The following SPARC variants were observed in gnomAD, a reference collection of about 807,000 sequenced individuals.
SPARC encodes secreted protein acidic and cysteine rich, also known as basement-membrane protein 40.
Under a neutral mutation model 37.7 loss-of-function variants are expected in SPARC, and 23 were observed. The ratio of observed to expected loss-of-function variants is 0.61; its 90% CI spans 0.44 to 0.87. The LOEUF is 0.87. Ranked by LOEUF, SPARC falls within the 40% of genes least tolerant of loss-of-function variation. SPARC has a pLI of 0.00. For missense variants in SPARC, 312 were observed against 389.0 expected (o/e 0.80, Z 1.66); for synonymous variants, 155 against 150.8 (o/e 1.03, Z -0.20).
rs575636672 is a variant in SPARC, at chr5:151,671,705, G to C, written c.209-11C>G. The C allele has an allele frequency of 4.3e-6, 7 of 1,613,536 alleles. No individual in the cohort carries two copies. In the Admixed American group the frequency reaches 1.2e-4, roughly 27 times the overall value. On this transcript the variant is annotated splice_polypyrimidine_tract_variant and intron_variant, in intron 4 of 9. Coordinates refer to ENST00000231061, the MANE Select transcript of SPARC (RefSeq NM_003118.4). ...GGTTCTGGCAGGGATCTGTAGGGCA[G>C]AAAGACAAGGGAGTTAGCATCACCT...
chr5:151,664,039 G>T, intron 9 of SPARC, 48 bp downstream of exon 9: 1 of 1,610,794 alleles, frequency 6.2e-7, no homozygotes. Context: ...AGCACCCTGG[G>T]AGCAGTGTTT....
intron 2 of SPARC, among the ~76,000 whole-genome samples, chr5:151,675,776 T>C (rs1354105597): frequency 6.6e-6 from 1 of 152,150 alleles, no homozygotes; most frequent in Admixed American, 6.5e-5. Context: ...AGCTTGAATC[T>C]CTTCTAATAC....
chr5:151,670,409 C>T lies in SPARC; in HGVS notation c.331-625G>A, dbSNP rs572718839. On this transcript the variant is annotated intron_variant, in intron 5 of 9. Coordinates refer to ENST00000231061, the MANE Select transcript of SPARC (RefSeq NM_003118.4). ...TGGGTGCTGAGTCTCTAATGAACTT[C>T]CCTGGAAAGAAACATCACTCACATG... Among the ~76,000 whole-genome samples the T allele has an allele frequency of 2.0e-5, 3 of 152,288 alleles. No individual in the cohort carries two copies. The East Asian group carries it at 5.8e-4, about 29-fold the overall frequency.
At chr5:151,670,805 G>T (rs1318940938) in intron 5 of SPARC, among the ~76,000 whole-genome samples, 1 of 152,184 alleles carries the variant, frequency 6.6e-6, no homozygotes, top group African/African-American at 2.4e-5. Flanking sequence ...ACTGGGCACT[G>T]GGAGTGGGGA....
chr5:151,678,996 C>T (rs191706413), intron 1 of SPARC: 15 of 152,326 alleles, frequency 9.8e-5, no homozygotes, highest in African/African-American at 3.4e-4. Context: ...CTGTGTCCAT[C>T]CTGCAAAGCT....
chr5:151,671,521 G>A, intron 5 of SPARC, 52 bp downstream of exon 5: 1 of 1,508,452 alleles, frequency 6.6e-7, no homozygotes, highest in Non-Finnish European at 8.8e-7. Context: ...CAGACATCCT[G>A]TATTCCGAAG....
At chr5:151,681,785 C>T (rs1760998446) in intron 1 of SPARC, among the ~76,000 whole-genome samples, 1 of 152,096 alleles carries the variant, frequency 6.6e-6, no homozygotes, top group Non-Finnish European at 1.5e-5. Context: ...CCCAGCAACT[C>T]GGGAGGCTGA....
intron 8 of SPARC, among the ~76,000 whole-genome samples, chr5:151,666,141 G>C (rs556780070): frequency 1.8e-4 from 27 of 152,312 alleles, no homozygotes; most frequent in African/African-American, 6.3e-4. Flanking sequence ...GAGCTATTTT[G>C]AGCTCCTACT....
chr5:151,678,862 T>C (rs1372563399), intron 1 of SPARC, among the ~76,000 whole-genome samples: 1 of 152,112 alleles, frequency 6.6e-6, no homozygotes, highest in Non-Finnish European at 1.5e-5. Context: ...AGAGCACTTT[T>C]CCCCCAGATG....
chr5:151,676,235 G>A (rs1760856064), intron 1 of SPARC, 34 bp from the exon 2 acceptor site: 1 of 1,456,880 alleles, frequency 6.9e-7, no homozygotes, highest in Non-Finnish European at 9.6e-7. Context: ...TTCAGTGAGG[G>A]TGAGACTTCC....
At position 151,663,470 on chromosome 5, in the gene SPARC, G is replaced by A. The variant is rs1581517697; in HGVS notation, c.*101C>T. 1 of 1,152,574 alleles carries A rather than the reference G, an allele frequency of 8.7e-7. No homozygotes were observed. The highest frequency in any genetic ancestry group is 1.3e-5 in the South Asian group (1 of 78,236). 71.4% of individuals were successfully genotyped at this position (1,152,574 alleles called of 1,614,324 possible). A position where few individuals can be genotyped will look rare whatever the true frequency, so the allele number is the denominator to read the frequency against. On this transcript the variant is annotated 3_prime_UTR_variant, in exon 10 of 10. Coordinates refer to ENST00000231061, the MANE Select transcript of SPARC (RefSeq NM_003118.4). ...TCACTTAAATCTATGTTAGCACCTT[G>A]TCTCCAGGCAGAACAACAAACCATC...
intron 2 of SPARC, 55 bp from the exon 3 acceptor site, chr5:151,674,729 C>T: frequency 1.3e-6 from 2 of 1,564,984 alleles, no homozygotes. Flanking sequence ...CCAGCTTCAC[C>T]TCCAAAGTGC....
chr5:151,669,406 TGA>T (rs1340160788), intron 6 of SPARC, among the ~76,000 whole-genome samples: 1 of 152,240 alleles, frequency 6.6e-6, no homozygotes, highest in African/African-American at 2.4e-5. Flanking sequence ...CAGATGCTAG[TGA>T]GAGACTCCAG....
At position 151,676,184 on chromosome 5, in the gene SPARC, C is replaced by T. The variant is rs1371923271; in HGVS notation, c.5G>A (p.Arg2Lys). ...GCAAAGGAGAAAGAAGATCCAGGCC[C>T]TCATGGTGCTGGGAACCCTATGGGG... The part of the protein sequence containing the change: M[R>K]AWIFFLLCLA... The change falls in exon 2 of 10, where the codon AGG becomes AAG. Residue 2 changes from arginine (R) to lysine (K), a missense_variant. Physicochemically the swap from Arg to Lys is conservative, Grantham distance 26. Transcript: ENST00000231061. 1.2e-6 allele frequency: 2 copies of T among 1,611,196 alleles called. No homozygotes were observed. The highest frequency in any genetic ancestry group is 2.7e-5 in the African/African-American group (2 of 75,030).
chr5:151,686,360 A>C (rs956979408), intron 1 of SPARC: 1 of 152,026 alleles, frequency 6.6e-6, no homozygotes, highest in Non-Finnish European at 1.5e-5. Context: ...TTAATGGTGA[A>C]GCCTCCCCCT....
At chr5:151,675,756 C>T (rs1392242374) in intron 2 of SPARC, among the ~76,000 whole-genome samples, 2 of 152,058 alleles carry the variant, frequency 1.3e-5, no homozygotes, top group African/African-American at 4.8e-5. Context: ...CAACACATTC[C>T]TCTCTCTATA....
chr5:151,668,433 G>A (rs776150593), intron 6 of SPARC, among the ~76,000 whole-genome samples: 5 of 152,154 alleles, frequency 3.3e-5, no homozygotes, highest in East Asian at 1.9e-4. Flanking sequence ...GATTACAGGC[G>A]TGAGCCACCG....
In SPARC at chr5:151,663,388, C is replaced by T. The variant is rs118104642; in HGVS notation, c.*183G>A. 4.0e-3 allele frequency: 2,517 copies of T among 633,214 alleles called. 43 individuals are homozygous for T. The highest frequency in any genetic ancestry group is 0.023 in the South Asian group (1,157 of 51,414). The allele number at this position is 633,214 out of a possible 1,614,324, so 39.2% of individuals were successfully genotyped here. ...GGAAAAGGCCTTAATAGTTAAGTTA[C>T]AGCTAAGAATGTCATGTCTTGGGTT... On this transcript the variant is annotated 3_prime_UTR_variant, in exon 10 of 10. Transcript: ENST00000231061.
chr5:151,682,924 T>C (rs1761029724), intron 1 of SPARC, among the ~76,000 whole-genome samples: 1 of 152,244 alleles, frequency 6.6e-6, no homozygotes, highest in African/African-American at 2.4e-5. Flanking sequence ...GTTCATGTTT[T>C]CCTTGCAGAC....
Sources: allele counts gnomAD v4.1 joint callset (sites outside exome capture counted in the v4.1 genomes callset), GRCh38; gene constraint gnomAD v4.1.1; transcripts MANE v1.5; gene names NCBI Gene and HGNC (gene_info 2026-07-23, HGNC 2026-07-21).